The following DIS3L2 variants were observed in gnomAD, a reference collection of about 807,000 sequenced individuals.
The protein encoded by DIS3L2 is DIS3 like 3'-5' exoribonuclease 2, also known as DIS3-like exonuclease 2.
DIS3L2 carries 34 observed loss-of-function variants against 97.5 expected under a neutral mutation model. The observed-to-expected ratio is 0.35, with a 90% CI of 0.27 to 0.46. The LOEUF (loss-of-function observed/expected upper bound fraction) is 0.46, where lower values mean the gene tolerates loss of function less well. Among genes scored for constraint, DIS3L2 ranks in the 20% least tolerant of loss-of-function variants. The pLI is 1.00. For missense variants in DIS3L2, 1,038 were observed against 1,146.0 expected (o/e 0.91, Z 1.36); for synonymous variants, 435 against 445.2 (o/e 0.98, Z 0.29).
At chr2:232,270,137 A>G (rs1693949314) in intron 13 of DIS3L2, among the ~76,000 whole-genome samples, 1 of 152,154 alleles carries the variant, frequency 6.6e-6, no homozygotes, top group African/African-American at 2.4e-5. Flanking sequence ...ACCGTGGTGG[A>G]GGTCGAGAAG....
chr2:232,237,722 T>G (rs1574964422), intron 10 of DIS3L2, among the ~76,000 whole-genome samples: 5 of 122,768 alleles, frequency 4.1e-5, no homozygotes, highest in Non-Finnish European at 6.8e-5. Context: ...GACAGACAGG[T>G]GGAGGAAATG....
At chr2:232,155,065 G>T (rs571684773) in intron 8 of DIS3L2, among the ~76,000 whole-genome samples, 431 of 150,270 alleles carry the variant, frequency 2.9e-3, no homozygotes, top group African/African-American at 9.7e-3. Context: ...TTCGGCTCGC[G>T]CACGGTGAGC....
At chr2:232,104,467 A>G (rs924607583) in intron 6 of DIS3L2, among the ~76,000 whole-genome samples, 1 of 152,142 alleles carries the variant, frequency 6.6e-6, no homozygotes, top group African/African-American at 2.4e-5. Flanking sequence ...TTAAGTGTAC[A>G]ATTCAATGTC....
At chr2:232,170,513 CA>C (rs1690951817) in intron 9 of DIS3L2, among the ~76,000 whole-genome samples, 1 of 152,124 alleles carries the variant, frequency 6.6e-6, no homozygotes, top group Non-Finnish European at 1.5e-5. Context: ...ACTATTCCCT[CA>C]ATAAAAAGGA....
At chr2:232,258,307 A>G (rs746467789) in intron 12 of DIS3L2, among the ~76,000 whole-genome samples, 2 of 152,196 alleles carry the variant, frequency 1.3e-5, no homozygotes, top group Non-Finnish European at 2.9e-5. Flanking sequence ...AAGAGGGGCC[A>G]GGTGTGGTGG....
At chr2:232,329,785 T>TACCGGGG in intron 14 of DIS3L2, 28 bp from the exon 15 acceptor site, 8 of 967,142 alleles carry the variant, frequency 8.3e-6, no homozygotes, top group Non-Finnish European at 1.2e-5. Context: ...ACCCCAGCGG[T>TACCGGGG]CCCTCCCATC....
At chr2:232,015,721 A>C (rs762855673) in intron 3 of DIS3L2, 50 bp downstream of exon 3, 2 of 1,595,804 alleles carry the variant, frequency 1.3e-6, no homozygotes, top group East Asian at 4.5e-5. Context: ...AGAATCCAAA[A>C]CAATCTATTA....
At chr2:232,104,650 A>G (rs997580583) in intron 6 of DIS3L2, among the ~76,000 whole-genome samples, 10 of 152,182 alleles carry the variant, frequency 6.6e-5, no homozygotes, top group Admixed American at 2.0e-4. Context: ...GAGATTTCAT[A>G]TAAGTGGAAT....
chr2:232,158,325 G>A (rs866116419), intron 8 of DIS3L2, among the ~76,000 whole-genome samples: 5,332 of 152,122 alleles, frequency 0.035, 138 homozygotes, highest in African/African-American at 0.058. Context: ...GTGTGTGTGT[G>A]TGTGTGTGTG....
intron 1 of DIS3L2, among the ~76,000 whole-genome samples, chr2:231,989,392 G>C (rs1370456193): frequency 6.7e-6 from 1 of 150,260 alleles, no homozygotes; most frequent in Non-Finnish European, 1.5e-5. Context: ...TGTTTGTATA[G>C]AGGCGTAGAT....
intron 5 of DIS3L2, among the ~76,000 whole-genome samples, chr2:232,035,931 C>T (rs1044512454): frequency 1.3e-5 from 2 of 152,200 alleles, no homozygotes; most frequent in Non-Finnish European, 2.9e-5. Context: ...CTGCCCTTAA[C>T]ATTTTTTCCT....
intron 13 of DIS3L2, among the ~76,000 whole-genome samples, chr2:232,295,975 C>T (rs547563008): frequency 1.3e-5 from 2 of 152,348 alleles, no homozygotes; most frequent in South Asian, 4.1e-4. Flanking sequence ...ACAGGTGTTT[C>T]TCAGGATTCT....
chr2:232,027,701 A>C (rs540761199), intron 4 of DIS3L2, among the ~76,000 whole-genome samples: 3 of 152,188 alleles, frequency 2.0e-5, no homozygotes, highest in Non-Finnish European at 4.4e-5. Context: ...GGGGAACTTG[A>C]CTTAGGTTCA....
chr2:232,234,723 GTTCAGC>G, intron 10 of DIS3L2, among the ~76,000 whole-genome samples: 1 of 152,340 alleles, frequency 6.6e-6, no homozygotes, highest in South Asian at 2.1e-4. Context: ...ACTGATTGCA[GTTCAGC>G]TTACTGCCAT....
chr2:232,107,380 A>G (rs1451199310), intron 6 of DIS3L2, among the ~76,000 whole-genome samples: 1 of 152,180 alleles, frequency 6.6e-6, no homozygotes, highest in African/African-American at 2.4e-5. Context: ...AGAAGGAGAG[A>G]AGATTCAAAT....
chr2:232,105,015 A>G (rs1208031336), intron 6 of DIS3L2, among the ~76,000 whole-genome samples: 1 of 152,000 alleles, frequency 6.6e-6, no homozygotes, highest in Non-Finnish European at 1.5e-5. Context: ...ATGGGGTTTC[A>G]CTATGTTGCC....
At chr2:232,261,502 G>C (rs1693710953) in intron 12 of DIS3L2, among the ~76,000 whole-genome samples, 1 of 152,160 alleles carries the variant, frequency 6.6e-6, no homozygotes. Context: ...GTCACACACA[G>C]AAGATGTTGC....
chr2:232,181,593 C>T (rs1257198540), intron 9 of DIS3L2, among the ~76,000 whole-genome samples: 1 of 151,954 alleles, frequency 6.6e-6, no homozygotes, highest in Non-Finnish European at 1.5e-5. Context: ...GCCTTTCTTC[C>T]AGTTGATCGC....
intron 9 of DIS3L2, among the ~76,000 whole-genome samples, chr2:232,190,437 A>G (rs1691581966): frequency 6.6e-6 from 1 of 152,222 alleles, no homozygotes; most frequent in South Asian, 2.1e-4. Context: ...GTCAGTAACT[A>G]TAGACCAAGG....
Sources: gnomAD v4.1 joint callset for allele counts (sites outside exome capture counted in the v4.1 genomes callset) on GRCh38, gnomAD v4.1.1 for gene constraint, MANE v1.5 for transcripts, NCBI Gene and HGNC (gene_info 2026-07-23, HGNC 2026-07-21) for gene names.